NCOA6: variants seen among roughly 807,000 people sequenced by gnomAD.
NCOA6 encodes the protein NRC RAP250.
NCOA6 carries 49 observed loss-of-function variants against 171.4 expected under a neutral mutation model. That is an observed-to-expected ratio of 0.29 (90% CI 0.23 to 0.36). The LOEUF (loss-of-function observed/expected upper bound fraction) is 0.36. Ranked by LOEUF, NCOA6 falls within the 10% of genes least tolerant of loss-of-function variation. The pLI is 1.00. For missense variants in NCOA6, 2,248 were observed against 2,554.5 expected (o/e 0.88, Z 2.59); for synonymous variants, 910 against 927.5 (o/e 0.98, Z 0.34).
intron 3 of NCOA6, among the ~76,000 whole-genome samples, chr20:34,778,078 T>C (rs941653334): frequency 6.6e-6 from 1 of 152,174 alleles, no homozygotes; most frequent in Non-Finnish European, 1.5e-5. Flanking sequence ...CTAATTTTTG[T>C]ATTTTTAGTA....
chr20:34,756,104 CCTTT>C (rs1212842995), intron 7 of NCOA6, among the ~76,000 whole-genome samples: 2 of 152,118 alleles, frequency 1.3e-5, no homozygotes, highest in African/African-American at 4.8e-5. Flanking sequence ...ATGCATTTGT[CCTTT>C]CTTTAACAGT....
intron 1 of NCOA6, among the ~76,000 whole-genome samples, chr20:34,796,254 C>T (rs1036290929): frequency 6.6e-6 from 1 of 151,856 alleles, no homozygotes; most frequent in East Asian, 1.9e-4. Flanking sequence ...AAGCAATCCT[C>T]CTGCCTCGGC....
chr20:34,821,849 A>C (rs2079019441), intron 1 of NCOA6, among the ~76,000 whole-genome samples: 1 of 152,160 alleles, frequency 6.6e-6, no homozygotes, highest in Admixed American at 6.5e-5. Flanking sequence ...GGCCTCCCAA[A>C]GTGCTGGGAT....
intron 3 of NCOA6, among the ~76,000 whole-genome samples, chr20:34,777,932 G>A (rs1267621962): frequency 1.3e-5 from 2 of 152,050 alleles, no homozygotes; most frequent in Non-Finnish European, 2.9e-5. Flanking sequence ...TATTTGAGAC[G>A]GAATCTTGCT....
chr20:34,734,947 CT>C (rs1243192880), intron 12 of NCOA6, among the ~76,000 whole-genome samples: 1 of 152,184 alleles, frequency 6.6e-6, no homozygotes, highest in Admixed American at 6.5e-5. Context: ...CGCGCCTGGC[CT>C]AGTTTGCTCT....
At chr20:34,807,476 ATAAC>A (rs2078493466) in intron 1 of NCOA6, among the ~76,000 whole-genome samples, 1 of 152,192 alleles carries the variant, frequency 6.6e-6, no homozygotes. Context: ...GCAACAATAA[ATAAC>A]TATTGTACCC....
At chr20:34,737,462 A>G (rs778938066) in intron 11 of NCOA6, among the ~76,000 whole-genome samples, 5 of 152,250 alleles carry the variant, frequency 3.3e-5, no homozygotes, top group Non-Finnish European at 5.9e-5. Flanking sequence ...CTCTGATGTC[A>G]TATGAAGGAG....
intron 2 of NCOA6, among the ~76,000 whole-genome samples, chr20:34,787,766 G>T (rs2077730061): frequency 6.6e-6 from 1 of 152,204 alleles, no homozygotes; most frequent in African/African-American, 2.4e-5. Context: ...TGAAGCTGCA[G>T]TGTTACAACT....
At chr20:34,802,091 A>T (rs907908247) in intron 1 of NCOA6, among the ~76,000 whole-genome samples, 1 of 152,272 alleles carries the variant, frequency 6.6e-6, no homozygotes, top group African/African-American at 2.4e-5. Context: ...AACATCAAAA[A>T]AAGATGATAG....
intron 14 of NCOA6, among the ~76,000 whole-genome samples, chr20:34,724,589 T>C (rs910899891): frequency 6.6e-6 from 1 of 152,188 alleles, no homozygotes; most frequent in African/African-American, 2.4e-5. Context: ...CCTAAGAGAA[T>C]GATCTGGTCA....
At chr20:34,767,772 G>A (rs919687250) in intron 5 of NCOA6, among the ~76,000 whole-genome samples, 4 of 152,164 alleles carry the variant, frequency 2.6e-5, no homozygotes, top group Admixed American at 2.0e-4. Flanking sequence ...AAATTGGAAA[G>A]CCACTAGTGC....
intron 1 of NCOA6, among the ~76,000 whole-genome samples, chr20:34,813,547 T>C (rs569130833): frequency 5.3e-5 from 8 of 152,252 alleles, no homozygotes; most frequent in African/African-American, 1.9e-4. Context: ...GAAATTACTG[T>C]TTTGTTAGGT....
At chr20:34,727,984 C>G (rs1990172904) in intron 13 of NCOA6, among the ~76,000 whole-genome samples, 1 of 152,094 alleles carries the variant, frequency 6.6e-6, no homozygotes, top group Non-Finnish European at 1.5e-5. Flanking sequence ...CTCGGCCTCC[C>G]AAAGTGCTGG....
At chr20:34,794,848 C>T (rs2078012563) in intron 1 of NCOA6, among the ~76,000 whole-genome samples, 2 of 151,798 alleles carry the variant, frequency 1.3e-5, no homozygotes, top group South Asian at 4.2e-4. Context: ...ATTTGAGTAC[C>T]AAAAGAGAAT....
At chr20:34,750,898 C>T (rs1466403322) in intron 8 of NCOA6, among the ~76,000 whole-genome samples, 1 of 152,136 alleles carries the variant, frequency 6.6e-6, no homozygotes, top group Non-Finnish European at 1.5e-5. Context: ...CCTGTAATCC[C>T]AGCACTTTGG....
chr20:34,761,306 C>T (rs1008710615), intron 5 of NCOA6, among the ~76,000 whole-genome samples: 3 of 152,144 alleles, frequency 2.0e-5, no homozygotes, highest in Non-Finnish European at 4.4e-5. Context: ...GAAGGCTTAA[C>T]ATTTCTTTGA....
At chr20:34,719,089 C>T (rs551244240) in intron 14 of NCOA6, among the ~76,000 whole-genome samples, 9 of 152,298 alleles carry the variant, frequency 5.9e-5, no homozygotes, top group Non-Finnish European at 7.3e-5. Flanking sequence ...TTTTAAGTGA[C>T]TGTCCAACTA....
chr20:34,724,578 T>C (rs1286590497), intron 14 of NCOA6, among the ~76,000 whole-genome samples: 4 of 152,128 alleles, frequency 2.6e-5, no homozygotes, highest in Non-Finnish European at 4.4e-5. Flanking sequence ...TCAGCACATT[T>C]CCTAAGAGAA....
At chr20:34,811,086 G>A (rs943519142) in intron 1 of NCOA6, among the ~76,000 whole-genome samples, 2 of 150,478 alleles carry the variant, frequency 1.3e-5, no homozygotes, top group South Asian at 2.1e-4. Context: ...AATCTCTCTG[G>A]TCTAAGAGTA....
Sources: allele counts gnomAD v4.1 joint callset (sites outside exome capture counted in the v4.1 genomes callset), GRCh38; gene constraint gnomAD v4.1.1; transcripts MANE v1.5; gene names NCBI Gene and HGNC (gene_info 2026-07-23, HGNC 2026-07-21).